SETD1A: variants seen among roughly 807,000 people sequenced by gnomAD.
The protein encoded by SETD1A is histone-lysine N-methyltransferase SETD1A.
Under a neutral mutation model 149.9 loss-of-function variants are expected in SETD1A, and 29 were observed. The observed-to-expected ratio is 0.19, with a 90% confidence interval of 0.14 to 0.26. SETD1A has a LOEUF of 0.26. Ranked by LOEUF, SETD1A falls within the 10% of genes least tolerant of loss-of-function variation. The pLI, the probability that SETD1A is intolerant of heterozygous loss-of-function variation, is 1.00. For missense variants in SETD1A, 2,109 were observed against 2,353.1 expected, an observed-to-expected ratio of 0.90 and a Z score of 2.15; for synonymous variants, 1,141 against 968.5, an observed-to-expected ratio of 1.18 and a Z score of -3.31.
intron 13 of SETD1A, 47 bp downstream of exon 13, chr16:30,971,766 G>A (rs764136166): frequency 6.6e-7 from 1 of 1,508,644 alleles, no homozygotes; most frequent in East Asian, 2.3e-5. Flanking sequence ...GTGTGAGAGA[G>A]AGAGAGAAAA....
At chr16:30,969,038 G>A (rs1489803145) in intron 10 of SETD1A, among the ~76,000 whole-genome samples, 1 of 152,082 alleles carries the variant, frequency 6.6e-6, no homozygotes, top group Non-Finnish European at 1.5e-5. Flanking sequence ...AGCCCAGCAG[G>A]TTGAGGCTGC....
intron 17 of SETD1A, among the ~76,000 whole-genome samples, chr16:30,981,831 G>T (rs2056382158): frequency 6.6e-6 from 1 of 152,138 alleles, no homozygotes; most frequent in Non-Finnish European, 1.5e-5. Flanking sequence ...CATGGCTGTG[G>T]TCCCAGCTAC....
At chr16:30,974,840 T>C (rs2056265237) in intron 13 of SETD1A, among the ~76,000 whole-genome samples, 1 of 151,690 alleles carries the variant, frequency 6.6e-6, no homozygotes, top group Admixed American at 6.6e-5. Flanking sequence ...AACCCCATCT[T>C]AACTAAAAAT....
At chr16:30,982,812 G>A (rs1466334690) in intron 17 of SETD1A, among the ~76,000 whole-genome samples, 2 of 152,158 alleles carry the variant, frequency 1.3e-5, no homozygotes, top group Non-Finnish European at 2.9e-5. Flanking sequence ...GTGCAAGGTG[G>A]TTGGCTGGGC....
rs758521417 is a variant in SETD1A at position 30,964,225 on chromosome 16, A to G, written c.771A>G (p.Pro257=). ...TCTCCAGCAGCCGACAAGATACCCC[A>G]TCTTCCTTTGGCCAGTTCACACCTC... ...TSFSSSRQDT[P]SSFGQFTPQS... is the part of the protein sequence containing the mutation. The change falls in exon 6 of 19, where the codon CCA becomes CCG. Residue 257 remains proline, a synonymous_variant. Coordinates refer to ENST00000262519, the MANE Select transcript of SETD1A (RefSeq NM_014712.3). The G allele has an allele frequency of 1.9e-6, 3 of 1,613,608 alleles. No individual in the cohort carries two copies. The highest frequency in any genetic ancestry group is 2.2e-5 in the South Asian group (2 of 91,056).
rs139023076 is a variant in SETD1A at position 30,968,504 on chromosome 16, G to A, written c.2771-801G>A. ...CATATATATATACACACACATATGC[G>A]TATCTGTATATATTAAGGCCAGGCA... On this transcript the variant is annotated intron_variant, in intron 10 of 18. Coordinates refer to ENST00000262519, the MANE Select transcript of SETD1A (RefSeq NM_014712.3). Among the ~76,000 whole-genome samples the A allele has an allele frequency of 3.1e-3, 468 of 149,842 alleles. 3 individuals carry two copies. Among genetic ancestry groups the A allele is most frequent in the East Asian group, 0.021 (105 of 5,020 alleles).
rs745509675 is a variant in SETD1A at position 30,959,197 on chromosome 16, G to C, written c.246+11G>C. On this transcript the variant is annotated intron_variant, in intron 3 of 18. Coordinates refer to ENST00000262519, the MANE Select transcript of SETD1A (RefSeq NM_014712.3). Reference sequence around the variant, plus strand: ...GTCCCTAAGTTTAAGGTAAGTGTCTGCTGGGCTCCTGGTGTGGTAGTCCTA... The same window carrying C: ...GTCCCTAAGTTTAAGGTAAGTGTCTCCTGGGCTCCTGGTGTGGTAGTCCTA... 1 of 1,555,230 alleles carries C rather than the reference G, an allele frequency of 6.4e-7. No homozygotes were observed. Among genetic ancestry groups the C allele is most frequent in the Non-Finnish European group, 8.9e-7 (1 of 1,126,382 alleles).
intron 1 of SETD1A, 46 bp downstream of exon 1, chr16:30,958,010 G>GGGC (rs1177862822): frequency 6.6e-6 from 1 of 151,594 alleles, no homozygotes; most frequent in Non-Finnish European, 1.5e-5. Flanking sequence ...GGTGGTGGGG[G>GGGC]GGCGCCGCCG....
At position 30,963,510 on chromosome 16, in the gene SETD1A, G is replaced by C; in HGVS notation, c.595G>C (p.Ala199Pro). 6.2e-7 allele frequency: 1 copy of C among 1,613,634 alleles called. No individual in the cohort carries two copies. The highest frequency in any genetic ancestry group is 8.5e-7 in the Non-Finnish European group (1 of 1,179,718). Reference protein sequence around the residue: ...TPQTVPTGGKALSEKFQGSGA... With the variant: ...TPQTVPTGGKPLSEKFQGSGA... ...TCAGACTGTGCCCACTGGGGGCAAG[G>C]CCCTGAGTGAGAAGTTCCAAGGCTC... Residue 199 changes from alanine (A) to proline (P), a missense_variant, in exon 5 of 19, where the codon GCC becomes CCC. By Grantham distance (27) the Ala-to-Pro change is conservative. This residue lies in a region of SETD1A where 410 missense variants were observed against 394.8 expected (regional missense o/e 1.04). Coordinates refer to ENST00000262519, the MANE Select transcript of SETD1A (RefSeq NM_014712.3).
chr16:30,980,615 G>A lies in SETD1A; in HGVS notation c.4539G>A (p.Val1513=). ...SKKEKDKYLD[V]CPVSARQLEG... is the part of the protein sequence containing the mutation. Reference sequence around the variant, plus strand: ...AGGAGAAGGACAAGTACCTGGACGTGTGCCCAGTCTCGGCCCGGCAGCTGG... The same window carrying A: ...AGGAGAAGGACAAGTACCTGGACGTATGCCCAGTCTCGGCCCGGCAGCTGG... The change falls in exon 15 of 19, where the codon GTG becomes GTA. Residue 1513 remains valine (V), a synonymous_variant. Transcript: ENST00000262519. The surrounding 1 kb of genome is among the most constrained non-coding windows in gnomAD (Gnocchi z 7.7). The A allele has an allele frequency of 1.2e-6, 2 of 1,613,902 alleles. No individual in the cohort carries two copies. The highest frequency in any genetic ancestry group is 1.7e-6 in the Non-Finnish European group (2 of 1,180,016).
intron 1 of SETD1A, 73 bp from the exon 2 acceptor site, chr16:30,958,640 GGCTA>G: frequency 7.7e-7 from 1 of 1,297,078 alleles, no homozygotes; most frequent in Non-Finnish European, 1.1e-6. Context: ...CTGGAATCGG[GGCTA>G]GCCAATGAGG....
chr16:30,959,659 C>G (rs1463099727), intron 3 of SETD1A, among the ~76,000 whole-genome samples: 1 of 152,120 alleles, frequency 6.6e-6, no homozygotes, highest in African/African-American at 2.4e-5. Flanking sequence ...TTGAACTGGG[C>G]CTGGAACACT....
intron 13 of SETD1A, among the ~76,000 whole-genome samples, chr16:30,978,932 C>T (rs576442724): frequency 5.3e-5 from 8 of 152,318 alleles, no homozygotes; most frequent in Admixed American, 1.3e-4. Flanking sequence ...GTCCCACACA[C>T]GTGTCACAGC....
chr16:30,959,740 ATTC>A (rs140020755), intron 3 of SETD1A, among the ~76,000 whole-genome samples: 73,796 of 141,028 alleles, frequency 0.52, 20,263 homozygotes, highest in East Asian at 0.89. Flanking sequence ...GGGTCCCTTC[ATTC>A]TTCTTCTTCT....
chr16:30,958,466 A>C, intron 1 of SETD1A: 2 of 454,418 alleles, frequency 4.4e-6, no homozygotes, highest in Non-Finnish European at 8.0e-6. Context: ...CGCGCTAGGG[A>C]GAGCGGGAAG....
chr16:30,971,374 C>G lies in SETD1A; in HGVS notation c.3017-4C>G, dbSNP rs760106598. ...TCTCCTGACTGCCCCTTCTGGATTT[C>G]CAGGCGAGGACGAGGAAAGCGATTC... is the stretch of plus-strand genomic sequence containing the variant. On this transcript the variant is annotated splice_region_variant and splice_polypyrimidine_tract_variant and intron_variant, in intron 12 of 18. Transcript: ENST00000262519. The G allele has an allele frequency of 3.2e-6, 5 of 1,565,282 alleles. No individual in the cohort carries two copies. Among genetic ancestry groups the G allele is most frequent in the Admixed American group, 1.7e-5 (1 of 57,504 alleles).
At position 30,961,283 on chromosome 16, in the gene SETD1A, T is replaced by C. The variant is rs754505497; in HGVS notation, c.263T>C (p.Ile88Thr). The stretch of plus-strand genomic sequence containing the variant: ...TTTCCCCAGCTGGACGAGTTCTATA[T>C]TGGACAGATTCCACTGAAGGAAGTG... ...VPKFKLDEFY[I>T]GQIPLKEVTF... Residue 88 changes from isoleucine (I) to threonine (T), a missense_variant, in exon 4 of 19, where the codon ATT (isoleucine) becomes ACT (threonine). Physicochemically the swap from Ile to Thr is moderately conservative, Grantham distance 89. Transcript: ENST00000262519. This position sits in a 1 kb window ranked among gnomAD's most constrained non-coding sequence, Gnocchi z 4.0. 1 of 1,614,160 alleles carries C rather than the reference T, an allele frequency of 6.2e-7. No individual in the cohort carries two copies.
In SETD1A at chr16:30,971,360, C is replaced by G; in HGVS notation, c.3017-18C>G. 6.4e-7 allele frequency: 1 copy of G among 1,561,014 alleles called. No homozygotes were observed. Reference sequence around the variant, plus strand: ...GAGGTCTGCCCACCTCTCCTGACTGCCCCTTCTGGATTTCCAGGCGAGGAC... The same window carrying G: ...GAGGTCTGCCCACCTCTCCTGACTGGCCCTTCTGGATTTCCAGGCGAGGAC... On this transcript the variant is annotated intron_variant, in intron 12 of 18. Coordinates refer to ENST00000262519, the MANE Select transcript of SETD1A (RefSeq NM_014712.3).
chr16:30,977,239 C>T (rs1318679338), intron 13 of SETD1A, among the ~76,000 whole-genome samples: 2 of 152,288 alleles, frequency 1.3e-5, no homozygotes, highest in South Asian at 2.1e-4. Flanking sequence ...CCCCCTCGCC[C>T]GGCCAGCTCA....
Sources: gnomAD v4.1 joint callset for allele counts (sites outside exome capture counted in the v4.1 genomes callset) on GRCh38, gnomAD v4.1.1 for gene constraint, gnomAD v4.1.1 regional missense constraint, Gnocchi (gnomAD v3.1) non-coding constraint, MANE v1.5 for transcripts, NCBI Gene and HGNC (gene_info 2026-07-23, HGNC 2026-07-21) for gene names.